The following SLC51B variants were observed in gnomAD, a reference collection of about 807,000 sequenced individuals.
SLC51B encodes SLC51 subunit beta.
In SLC51B, 6 loss-of-function variants were observed where a neutral mutation model predicts 8.0. That is an observed-to-expected ratio of 0.75 (90% CI 0.41 to 1.48). The LOEUF (loss-of-function observed/expected upper bound fraction) is 1.48. SLC51B is among the 40% of genes most tolerant of loss of function. SLC51B has a pLI of 0.01. For missense variants in SLC51B, 150 were observed against 149.7 expected (o/e 1.00, Z -0.01); for synonymous variants, 61 against 54.8 (o/e 1.11, Z -0.50).
chr15:65,048,228 T>A (rs898553998), intron 1 of SLC51B, among the ~76,000 whole-genome samples: 2 of 152,102 alleles, frequency 1.3e-5, no homozygotes, highest in African/African-American at 4.8e-5. Flanking sequence ...GGTCTTTTTT[T>A]CTCCCTGACT....
intron 2 of SLC51B, among the ~76,000 whole-genome samples, 170 bp downstream of exon 2, chr15:65,050,271 C>A (rs1290374455): frequency 6.6e-6 from 1 of 152,192 alleles, no homozygotes; most frequent in Admixed American, 6.5e-5. Flanking sequence ...GGCTGGACCG[C>A]CCCTTCCTTT....
intron 1 of SLC51B, among the ~76,000 whole-genome samples, chr15:65,046,606 ATTAAACATATT>A (rs2086580507): frequency 6.6e-6 from 1 of 152,128 alleles, no homozygotes; most frequent in Non-Finnish European, 1.5e-5. Context: ...CTGTAACAAT[ATTAAACATATT>A]TTAAACATAT....
intron 3 of SLC51B, 116 bp downstream of exon 3, chr15:65,051,721 C>A: frequency 2.5e-6 from 2 of 815,680 alleles, no homozygotes; most frequent in Non-Finnish European, 2.0e-6. Context: ...CCCTTTGGGA[C>A]AGCAAAATTC....
chr15:65,050,830 C>CTTTTTTTTTTT (rs1206139825), intron 2 of SLC51B, among the ~76,000 whole-genome samples: 1 of 48,538 alleles, frequency 2.1e-5, no homozygotes, highest in African/African-American at 5.3e-5. Flanking sequence ...CTTTCTTCTT[C>CTTTTTTTTTTT]TTCTTCTTTT....
chr15:65,051,553 G>C lies in SLC51B; in HGVS notation c.136G>C (p.Val46Leu), dbSNP rs768347893. Residue 46 changes from valine to leucine, a missense_variant, in exon 3 of 4, where the codon GTG becomes CTG. Transcript: ENST00000334287. The stretch of plus-strand genomic sequence containing the variant: ...TCATTCCATCCTTGCCCTGGCAGCT[G>C]TGGTGGTCATTATAAGCATGGTCCT... ...WNHSILALAAVVVIISMVLLG... is the reference protein window; with the variant it reads ...WNHSILALAALVVIISMVLLG... 11 of 1,613,700 alleles carry C rather than the reference G, an allele frequency of 6.8e-6. No individual in the cohort carries two copies. Among genetic ancestry groups the C allele is most frequent in the Non-Finnish European group, 8.5e-6 (10 of 1,179,852 alleles).
rs199611886 is a variant in SLC51B at position 65,051,608 on chromosome 15, G to A, written c.188+3G>A. 91 of 1,613,026 alleles carry A rather than the reference G, an allele frequency of 5.6e-5. No individual in the cohort carries two copies. Among genetic ancestry groups the A allele is most frequent in the Non-Finnish European group, 7.5e-5 (89 of 1,179,458 alleles). Reference sequence around the variant, plus strand: ...GGAAGAAGCATCCAGGCAAGCAGGTGAGGAGCTGGTCCTGGGGGGATGGGG... The same window carrying A: ...GGAAGAAGCATCCAGGCAAGCAGGTAAGGAGCTGGTCCTGGGGGGATGGGG... On this transcript the variant is annotated splice_donor_region_variant and intron_variant, in intron 3 of 3. Coordinates refer to ENST00000334287, the MANE Select transcript of SLC51B (RefSeq NM_178859.4).
intron 2 of SLC51B, 80 bp downstream of exon 2, chr15:65,050,181 T>G: frequency 9.0e-7 from 1 of 1,109,864 alleles, no homozygotes; most frequent in South Asian, 1.5e-5. Flanking sequence ...GTCCTGACAC[T>G]GTCGTCCCCT....
At position 65,052,962 on chromosome 15, in the gene SLC51B, C is replaced by A; in HGVS notation, c.189-4C>A. 6.3e-7 allele frequency: 1 copy of A among 1,584,476 alleles called. No individual in the cohort carries two copies. The highest frequency in any genetic ancestry group is 8.6e-7 in the Non-Finnish European group (1 of 1,162,612). On this transcript the variant is annotated splice_polypyrimidine_tract_variant and splice_region_variant and intron_variant, in intron 3 of 3. Coordinates refer to ENST00000334287, the MANE Select transcript of SLC51B (RefSeq NM_178859.4). The stretch of plus-strand genomic sequence containing the variant: ...CTCATTAACACTGTTCCCTGTCCCC[C>A]CAGAAAAGAAAAGATGCAGCCACCA...
intron 2 of SLC51B, 25 bp from the exon 3 acceptor site, chr15:65,051,490 C>T: frequency 6.2e-7 from 1 of 1,610,892 alleles, no homozygotes; most frequent in Non-Finnish European, 8.5e-7. Flanking sequence ...TTCCTCAGGG[C>T]TCTGTCCTGT....
chr15:65,047,267 C>T (rs777633892), intron 1 of SLC51B, among the ~76,000 whole-genome samples: 48 of 146,726 alleles, frequency 3.3e-4, no homozygotes, highest in Non-Finnish European at 5.3e-4. Flanking sequence ...ACCTGGGAGG[C>T]GGTGGTTGCA....
At chr15:65,046,008 A>C (rs554388143) in intron 1 of SLC51B, among the ~76,000 whole-genome samples, 126 of 152,322 alleles carry the variant, frequency 8.3e-4, no homozygotes, top group African/African-American at 2.8e-3. Flanking sequence ...TCTACTAAAA[A>C]TACAAAATTG....
chr15:65,049,295 C>T (rs994743976), intron 1 of SLC51B: 24 of 107,784 alleles, frequency 2.2e-4, no homozygotes, highest in African/African-American at 8.5e-4. Flanking sequence ...TCTTCCCTTG[C>T]AAATAACAGA....
intron 2 of SLC51B, among the ~76,000 whole-genome samples, chr15:65,050,993 G>A (rs1355987045): frequency 1.3e-5 from 2 of 151,664 alleles, no homozygotes; most frequent in African/African-American, 4.8e-5. Context: ...TACAGTGTAT[G>A]CCACCACACC....
chr15:65,050,143 C>T, intron 2 of SLC51B, 42 bp downstream of exon 2: 1 of 1,497,398 alleles, frequency 6.7e-7, no homozygotes, highest in South Asian at 1.2e-5. Flanking sequence ...GGGTGTGCCC[C>T]TCAACACAGA....
At position 65,053,231 on chromosome 15, in the gene SLC51B, C is replaced by T. The variant is rs1434720645; in HGVS notation, c.*67C>T. 5 of 1,563,394 alleles carry T rather than the reference C, an allele frequency of 3.2e-6. No homozygotes were observed. The East Asian group carries it at 1.1e-4, about 35-fold the overall frequency. ...GTGGGCTCAGCTCAGTGGCCTGAAA[C>T]CTCTCAGGTTTTAGAGTCTCTCCCA... On this transcript the variant is annotated 3_prime_UTR_variant, in exon 4 of 4. Transcript: ENST00000334287.
chr15:65,052,258 A>C (rs2086662927), intron 3 of SLC51B, among the ~76,000 whole-genome samples: 1 of 152,130 alleles, frequency 6.6e-6, no homozygotes, highest in African/African-American at 2.4e-5. Flanking sequence ...CAGTAGTGTG[A>C]GGGATGAGGT....
intron 1 of SLC51B, among the ~76,000 whole-genome samples, chr15:65,048,556 G>A (rs1306672906): frequency 6.6e-6 from 1 of 152,178 alleles, no homozygotes; most frequent in East Asian, 1.9e-4. Flanking sequence ...GATCCTCCCT[G>A]TACACTTTTT....
rs1333693286 is a variant in SLC51B at position 65,053,116 on chromosome 15, A to G, written c.339A>G (p.Arg113=). The G allele has an allele frequency of 6.2e-7, 1 of 1,614,140 alleles. No individual in the cohort carries two copies. Among genetic ancestry groups the G allele is most frequent in the Admixed American group, 1.7e-5 (1 of 60,022 alleles). The change falls in exon 4 of 4, where the codon AGA becomes AGG. Residue 113 remains arginine, a synonymous_variant. Transcript: ENST00000334287. ...AGGTGGAACTTGAGTTAAAAGAGAG[A>G]GATGTGCTGTCAGTTTTCCTTCCGG... ...LAQVELELKE[R]DVLSVFLPDV...
chr15:65,051,462 T>A, intron 2 of SLC51B, 53 bp from the exon 3 acceptor site: 1 of 1,567,696 alleles, frequency 6.4e-7, no homozygotes, highest in Non-Finnish European at 8.8e-7. Context: ...GTTAGCGGGC[T>A]TGAGAGGTGC....
Sources: gnomAD v4.1 joint callset for allele counts (sites outside exome capture counted in the v4.1 genomes callset) on GRCh38, gnomAD v4.1.1 for gene constraint, MANE v1.5 for transcripts, NCBI Gene and HGNC (gene_info 2026-07-23, HGNC 2026-07-21) for gene names.